Variants in CDH13 observed in about 807,000 individuals in gnomAD.
CDH13 encodes cadherin-13.
A neutral mutation model predicts 63.8 loss-of-function variants in CDH13; 24 were observed. That is an observed-to-expected ratio of 0.38 (90% confidence interval 0.27 to 0.53). The LOEUF (loss-of-function observed/expected upper bound fraction) is 0.53. Among genes scored for constraint, CDH13 ranks in the 20% least tolerant of loss-of-function variants. The pLI is 0.85. For missense variants in CDH13, 1,049 were observed against 903.1 expected (o/e 1.16, Z -2.07); for synonymous variants, 503 against 355.3 (o/e 1.42, Z -4.67).
At chr16:82,907,956 C>G (rs561690027) in intron 2 of CDH13, among the ~76,000 whole-genome samples, 1 of 152,278 alleles carries the variant, frequency 6.6e-6, no homozygotes, top group South Asian at 2.1e-4. Context: ...CACTTCCCTA[C>G]TGTCTTAAAT....
intron 3 of CDH13, among the ~76,000 whole-genome samples, chr16:83,094,453 AT>A (rs1831916552): frequency 6.6e-6 from 1 of 152,200 alleles, no homozygotes; most frequent in Non-Finnish European, 1.5e-5. Context: ...GAGCTTTAAG[AT>A]GAGGAGAACC....
chr16:82,838,294 T>G (rs1461605138), intron 1 of CDH13, among the ~76,000 whole-genome samples: 1 of 152,206 alleles, frequency 6.6e-6, no homozygotes, highest in Non-Finnish European at 1.5e-5. Context: ...GGAGGATATA[T>G]TTTTCTGGCA....
intron 5 of CDH13, among the ~76,000 whole-genome samples, chr16:83,261,795 G>C (rs993934018): frequency 1.3e-5 from 2 of 151,890 alleles, no homozygotes; most frequent in South Asian, 4.2e-4. Flanking sequence ...GATCTGTGGG[G>C]TACCAGGACA....
intron 6 of CDH13, among the ~76,000 whole-genome samples, chr16:83,448,244 G>T (rs796923841): frequency 2.0e-5 from 3 of 152,230 alleles, no homozygotes; most frequent in African/African-American, 7.2e-5. Flanking sequence ...GATATGTAAA[G>T]AAATCAGTAA....
At chr16:82,735,067 C>G (rs745928685) in intron 1 of CDH13, among the ~76,000 whole-genome samples, 4 of 152,198 alleles carry the variant, frequency 2.6e-5, no homozygotes, top group Non-Finnish European at 5.9e-5. Context: ...TTGGCAGACT[C>G]TCTCTTTTGA....
At position 82,934,917 on chromosome 16, in the gene CDH13, C is replaced by T. The variant is rs568599607; in HGVS notation, c.157+76444C>T. Among the ~76,000 whole-genome samples the T allele has an allele frequency of 5.9e-5, 9 of 152,328 alleles. No homozygotes were observed. In the South Asian group the frequency reaches 1.9e-3, roughly 32 times the overall value. On this transcript the variant is annotated intron_variant, in intron 2 of 13. Coordinates refer to ENST00000567109, the MANE Select transcript of CDH13 (RefSeq NM_001257.5). ...ATCTAGTAAGTTCCAAACTTTACCACATTTTCCTGTGTTCTTCTGAGTCCT... is the reference window on the plus strand; with the variant it reads ...ATCTAGTAAGTTCCAAACTTTACCATATTTTCCTGTGTTCTTCTGAGTCCT...
At chr16:83,207,497 G>T (rs2039216778) in intron 4 of CDH13, among the ~76,000 whole-genome samples, 1 of 152,044 alleles carries the variant, frequency 6.6e-6, no homozygotes, top group South Asian at 2.1e-4. Context: ...ACACATATAG[G>T]TACACATACA....
At chr16:82,885,124 C>G (rs1260220061) in intron 2 of CDH13, among the ~76,000 whole-genome samples, 3 of 152,130 alleles carry the variant, frequency 2.0e-5, no homozygotes, top group Non-Finnish European at 4.4e-5. Context: ...CCCAACTGCA[C>G]TTTTGCAAGA....
Position 83,240,673 on chromosome 16 carries a change from TA to T in CDH13, c.636+23193del, listed in dbSNP as rs55638991. 1.3e-3 allele frequency among the ~76,000 whole-genome samples: 161 copies of T among 125,038 alleles called. 1 individual carries two copies. Among genetic ancestry groups the T allele is most frequent in the African/African-American group, 2.2e-3 (71 of 32,348 alleles). 82.0% of individuals were successfully genotyped at this position (125,038 alleles called of 152,430 possible). The stretch of plus-strand genomic sequence containing the variant: ...TAAATATTTCAACTTTTTTAAATAG[TA>T]AAAAAAAAAAAAAAAACATGACTTT... On this transcript the variant is annotated intron_variant, in intron 5 of 13. Coordinates refer to ENST00000567109, the MANE Select transcript of CDH13 (RefSeq NM_001257.5).
At chr16:82,689,712 C>G (rs1413471340) in intron 1 of CDH13, among the ~76,000 whole-genome samples, 3 of 151,946 alleles carry the variant, frequency 2.0e-5, no homozygotes, top group Non-Finnish European at 4.4e-5. Context: ...GACTCCTGTC[C>G]TCAGAGTGCC....
intron 6 of CDH13, among the ~76,000 whole-genome samples, chr16:83,368,194 G>A (rs1408050662): frequency 6.6e-6 from 1 of 151,968 alleles, no homozygotes; most frequent in Non-Finnish European, 1.5e-5. Flanking sequence ...TCATTTATTT[G>A]CTCAAATCTC....
At chr16:82,831,934 C>A (rs1022957430) in intron 1 of CDH13, among the ~76,000 whole-genome samples, 25 of 152,094 alleles carry the variant, frequency 1.6e-4, no homozygotes. Context: ...TCAAGGATGA[C>A]CTTTTGAAAG....
chr16:83,275,767 T>A (rs1175767677), intron 5 of CDH13, among the ~76,000 whole-genome samples: 2 of 152,104 alleles, frequency 1.3e-5, no homozygotes, highest in Non-Finnish European at 2.9e-5. Context: ...TTATGGGAAT[T>A]AAACCTTCCA....
rs570755835 is a variant in CDH13 at position 83,096,821 on chromosome 16, AATG to A, written c.367-28558_367-28556del. Among the ~76,000 whole-genome samples the A allele has an allele frequency of 9.2e-5, 14 of 152,326 alleles. No homozygotes were observed. The South Asian group carries it at 1.4e-3, about 16-fold the overall frequency. Reference sequence around the variant, plus strand: ...TGCTATTGTTCAGTTTGCACTTAAAAATGATGATTTTTTTATACCTGGAGTTTA... The same window carrying A: ...TGCTATTGTTCAGTTTGCACTTAAAAATGATTTTTTTATACCTGGAGTTTA... On this transcript the variant is annotated intron_variant, in intron 3 of 13. Coordinates refer to ENST00000567109, the MANE Select transcript of CDH13 (RefSeq NM_001257.5).
intron 6 of CDH13, among the ~76,000 whole-genome samples, chr16:83,355,176 G>C (rs570438780): frequency 6.6e-6 from 1 of 152,234 alleles, no homozygotes; most frequent in East Asian, 1.9e-4. Context: ...CAATGTTCTA[G>C]GCATGAGAAA....
At chr16:83,431,086 C>A (rs971815883) in intron 6 of CDH13, among the ~76,000 whole-genome samples, 1 of 150,824 alleles carries the variant, frequency 6.6e-6, no homozygotes, top group Admixed American at 6.6e-5. Context: ...TTTGTTCTTG[C>A]GATAGTTTAC....
At chr16:83,167,126 G>T (rs1597452457) in intron 4 of CDH13, among the ~76,000 whole-genome samples, 2 of 151,688 alleles carry the variant, frequency 1.3e-5, no homozygotes, top group East Asian at 3.9e-4. Context: ...AAACGTATTT[G>T]CAGTGGTACT....
At chr16:83,430,664 G>C (rs2151482328) in intron 6 of CDH13, among the ~76,000 whole-genome samples, 1 of 152,220 alleles carries the variant, frequency 6.6e-6, no homozygotes, top group Non-Finnish European at 1.5e-5. Context: ...ACTGTTGGTA[G>C]GTTGAAATTG....
chr16:83,297,643 GAT>G (rs2089633853), intron 5 of CDH13, among the ~76,000 whole-genome samples: 1 of 152,122 alleles, frequency 6.6e-6, no homozygotes, highest in Non-Finnish European at 1.5e-5. Context: ...AAGAGTCCTT[GAT>G]ATATGGAAAC....
Sources: gnomAD v4.1 joint callset for allele counts (sites outside exome capture counted in the v4.1 genomes callset) on GRCh38, gnomAD v4.1.1 for gene constraint, MANE v1.5 for transcripts, NCBI Gene and HGNC (gene_info 2026-07-23, HGNC 2026-07-21) for gene names.